TBC1D15: variants seen among roughly 807,000 people sequenced by gnomAD.
TBC1D15 encodes the protein TBC1 domain family member 15, also known as GAP for RAB7.
In TBC1D15, 39 loss-of-function variants were observed where a neutral mutation model predicts 95.4. The ratio of observed to expected loss-of-function variants is 0.41; its 90% CI spans 0.32 to 0.53. The LOEUF (loss-of-function observed/expected upper bound fraction) is 0.53, where lower values mean the gene tolerates loss of function less well. Ranked by LOEUF, TBC1D15 falls within the 20% of genes least tolerant of loss-of-function variation. TBC1D15 has a pLI of 0.29. For synonymous variants in TBC1D15, 258 were observed against 261.3 expected, an observed-to-expected ratio of 0.99 and a Z score of 0.12; for missense variants, 733 against 794.3, an observed-to-expected ratio of 0.92 and a Z score of 0.93.
chr12:71,859,781 T>C (rs1889982540), intron 1 of TBC1D15, among the ~76,000 whole-genome samples: 1 of 152,084 alleles, frequency 6.6e-6, no homozygotes, highest in Admixed American at 6.6e-5. Flanking sequence ...CTGATTTCTT[T>C]TGTATTTTTA....
At chr12:71,901,528 A>G (rs1369154489) in intron 10 of TBC1D15, among the ~76,000 whole-genome samples, 1 of 152,168 alleles carries the variant, frequency 6.6e-6, no homozygotes, top group Non-Finnish European at 1.5e-5. Flanking sequence ...GGGGTCATCA[A>G]CATAGATAGT....
chr12:71,919,189 T>G (rs2139092136), intron 14 of TBC1D15, among the ~76,000 whole-genome samples: 1 of 144,292 alleles, frequency 6.9e-6, no homozygotes, highest in Middle Eastern at 3.6e-3. Context: ...TTGCTAATAA[T>G]AAATCAGTGT....
Position 71,897,851 on chromosome 12 carries a change from G to A in TBC1D15, c.1093G>A (p.Glu365Lys). The stretch of plus-strand genomic sequence containing the variant: ...ATGTCAAATTGTTTTCTATAGTGAT[G>A]AATACTTCAGAATGAAACTGCAGTG... Reference protein sequence around the residue: ...RTQLQKQKTDEYFRMKLQWKS... With the variant: ...RTQLQKQKTDKYFRMKLQWKS... Residue 365 changes from glutamate to lysine, a missense_variant, in exon 10 of 17, where the codon GAA becomes AAA. By Grantham distance (56) the Glu-to-Lys change is moderately conservative. Coordinates refer to ENST00000485960, the MANE Select transcript of TBC1D15 (RefSeq NM_001146213.3). 2 of 1,611,142 alleles carry A rather than the reference G, an allele frequency of 1.2e-6. No homozygotes were observed. Among genetic ancestry groups the A allele is most frequent in the Non-Finnish European group, 1.7e-6 (2 of 1,177,930 alleles).
At chr12:71,905,183 T>C (rs1451834745) in intron 10 of TBC1D15, among the ~76,000 whole-genome samples, 1 of 152,204 alleles carries the variant, frequency 6.6e-6, no homozygotes, top group African/African-American at 2.4e-5. Flanking sequence ...TTCATGAGAA[T>C]ACAAACAACT....
chr12:71,854,522 G>A (rs902002140), intron 1 of TBC1D15: 8 of 455,186 alleles, frequency 1.8e-5, no homozygotes, highest in Non-Finnish European at 3.1e-5. Flanking sequence ...CTTCTTGTTG[G>A]CCTGCATTAA....
At chr12:71,875,890 T>G (rs1893704284) in intron 3 of TBC1D15, among the ~76,000 whole-genome samples, 1 of 152,032 alleles carries the variant, frequency 6.6e-6, no homozygotes, top group African/African-American at 2.4e-5. Context: ...CTCCACCTCC[T>G]GGGTTCAAGC....
intron 1 of TBC1D15, among the ~76,000 whole-genome samples, chr12:71,842,001 G>A (rs1286543242): frequency 1.3e-5 from 2 of 152,080 alleles, no homozygotes; most frequent in African/African-American, 4.8e-5. Flanking sequence ...CTCCCTTCAA[G>A]TTTTAGCTAA....
intron 7 of TBC1D15, 146 bp downstream of exon 7, chr12:71,895,029 C>A (rs921819375): frequency 3.1e-6 from 2 of 648,492 alleles, no homozygotes; most frequent in Non-Finnish European, 5.2e-6. Flanking sequence ...ACAATGAGTG[C>A]TTGTCCTGCC....
intron 5 of TBC1D15, among the ~76,000 whole-genome samples, chr12:71,889,697 G>C (rs1015966820): frequency 2.6e-5 from 4 of 152,156 alleles, no homozygotes; most frequent in Admixed American, 2.0e-4. Context: ...TAGGTAAACT[G>C]CATGTCACGG....
At chr12:71,900,580 A>G (rs912561191) in intron 10 of TBC1D15, among the ~76,000 whole-genome samples, 4 of 152,130 alleles carry the variant, frequency 2.6e-5, no homozygotes, top group Admixed American at 6.5e-5. Context: ...TCATTCTTTC[A>G]ATAAGTTATT....
At chr12:71,880,722 G>C in intron 4 of TBC1D15, 115 bp downstream of exon 4, 1 of 1,187,906 alleles carries the variant, frequency 8.4e-7, no homozygotes, top group Non-Finnish European at 1.1e-6. Context: ...AATTTCTTTG[G>C]TTAATAGGTA....
intron 12 of TBC1D15, among the ~76,000 whole-genome samples, chr12:71,916,330 A>T (rs1050772967): frequency 1.3e-5 from 2 of 152,108 alleles, no homozygotes; most frequent in Admixed American, 1.3e-4. Flanking sequence ...GCAAATGTCT[A>T]TGCCATGTTG....
intron 1 of TBC1D15, among the ~76,000 whole-genome samples, chr12:71,860,867 T>A (rs907297015): frequency 1.3e-5 from 2 of 152,170 alleles, no homozygotes; most frequent in East Asian, 3.8e-4. Flanking sequence ...GAGTTCATTG[T>A]GTTCAAGTAT....
chr12:71,898,890 G>T (rs76281644), intron 10 of TBC1D15, among the ~76,000 whole-genome samples: 2,637 of 152,198 alleles, frequency 0.017, 77 homozygotes, highest in African/African-American at 0.061. Context: ...GATCCAAAAA[G>T]AATTTATTTT....
chr12:71,904,622 AGGAGG>A (rs1384523756), intron 10 of TBC1D15, among the ~76,000 whole-genome samples: 7 of 152,152 alleles, frequency 4.6e-5, no homozygotes, highest in Non-Finnish European at 1.0e-4. Context: ...CATGCACAAG[AGGAGG>A]GGTTGGTCTT....
intron 16 of TBC1D15, among the ~76,000 whole-genome samples, chr12:71,921,850 CTTATA>C (rs1471959288): frequency 2.0e-5 from 3 of 152,122 alleles, no homozygotes; most frequent in Non-Finnish European, 4.4e-5. Context: ...GTGTCACTCA[CTTATA>C]TTAGTCAAGT....
At chr12:71,878,524 GTT>G (rs370164488) in intron 3 of TBC1D15, among the ~76,000 whole-genome samples, 5 of 143,744 alleles carry the variant, frequency 3.5e-5, no homozygotes, top group African/African-American at 2.5e-5. Flanking sequence ...GAGGGTTTTT[GTT>G]TTTTTTTTTG....
rs574143514 is a variant in TBC1D15 at position 71,862,218 on chromosome 12, A to T, written c.31-9852A>T. On this transcript the variant is annotated intron_variant, in intron 1 of 16. Transcript: ENST00000485960. ...TTGGTCTAAAGTGCAGCTTAAATCCATTTTTTTTTTCTTGTTGATTTTCTG... is the reference window on the plus strand; with the variant it reads ...TTGGTCTAAAGTGCAGCTTAAATCCTTTTTTTTTTTCTTGTTGATTTTCTG... 2.6e-4 allele frequency among the ~76,000 whole-genome samples: 38 copies of T among 148,386 alleles called. No homozygotes were observed. In the South Asian group the frequency reaches 6.4e-3, roughly 25 times the overall value.
At chr12:71,862,442 CTCTT>C (rs1890588938) in intron 1 of TBC1D15, among the ~76,000 whole-genome samples, 1 of 152,070 alleles carries the variant, frequency 6.6e-6, no homozygotes, top group Non-Finnish European at 1.5e-5. Flanking sequence ...CCTTCTTTGT[CTCTT>C]TCTACAGTTT....
Sources: gnomAD v4.1 joint callset for allele counts (sites outside exome capture counted in the v4.1 genomes callset) on GRCh38, gnomAD v4.1.1 for gene constraint, MANE v1.5 for transcripts, NCBI Gene and HGNC (gene_info 2026-07-23, HGNC 2026-07-21) for gene names.